Variants in TENM3 observed in about 807,000 individuals in gnomAD.
The protein encoded by TENM3 is teneurin transmembrane protein 3.
Under a neutral mutation model 255.1 loss-of-function variants are expected in TENM3, and 63 were observed. The observed-to-expected ratio is 0.25, with a 90% confidence interval of 0.20 to 0.30. The LOEUF (loss-of-function observed/expected upper bound fraction) is 0.30, where lower values mean the gene tolerates loss of function less well. TENM3 is among the 10% of genes least tolerant of loss of function. TENM3 has a pLI of 1.00. For synonymous variants in TENM3, 1,306 were observed against 1,322.3 expected, an observed-to-expected ratio of 0.99 and a Z score of 0.27; for missense variants, 2,929 against 3,461.1, an observed-to-expected ratio of 0.85 and a Z score of 3.86.
At chr4:181,519,521 A>G in the TENM3 span, among the ~76,000 whole-genome samples, 5 of 152,240 alleles carry the variant, frequency 3.3e-5, no homozygotes, top group Admixed American at 2.6e-4. Flanking sequence ...AACAAAACAC[A>G]TAAGTTTAAA....
At chr4:182,198,219 C>T (rs1753952830) in intron 1 of TENM3, among the ~76,000 whole-genome samples, 1 of 152,222 alleles carries the variant, frequency 6.6e-6, no homozygotes. Flanking sequence ...ATCTTCCCTA[C>T]ACATTCTGCA....
chr4:181,825,959 G>C, the TENM3 span, among the ~76,000 whole-genome samples: 2 of 152,202 alleles, frequency 1.3e-5, no homozygotes, highest in African/African-American at 4.8e-5. Context: ...TATTCTAATA[G>C]TGACCCCAAA....
the TENM3 span, among the ~76,000 whole-genome samples, chr4:181,780,256 G>A: frequency 6.6e-5 from 10 of 152,178 alleles, no homozygotes; most frequent in Non-Finnish European, 1.2e-4. Context: ...CCCACCAACA[G>A]TGTAAAAGTG....
the TENM3 span, among the ~76,000 whole-genome samples, chr4:181,460,498 C>T: frequency 6.6e-6 from 1 of 151,668 alleles, no homozygotes; most frequent in Admixed American, 6.6e-5. Flanking sequence ...TATTATAGCT[C>T]ATAAAATATA....
the TENM3 span, among the ~76,000 whole-genome samples, chr4:181,476,215 T>TTG: frequency 1.9e-4 from 29 of 150,996 alleles, no homozygotes; most frequent in African/African-American, 6.6e-4. Flanking sequence ...GGTTTTTTTT[T>TTG]TTTTTTTTTG....
At position 182,799,931 on chromosome 4, in the gene TENM3, C is replaced by A. The variant is rs61742826; in HGVS notation, c.7680C>A (p.Gly2560=). The change falls in exon 28 of 28, where the codon GGC becomes GGA. Residue 2560 remains glycine (G), a synonymous_variant. Transcript: ENST00000511685. The surrounding 1 kb of genome is among the most constrained non-coding windows in gnomAD (Gnocchi z 4.2). ...CCACCACGCCCGAGAGCGACCTGGGCACGCTGCGGTTGACCAGCGGCCGCA... is the reference window on the plus strand; with the variant it reads ...CCACCACGCCCGAGAGCGACCTGGGAACGCTGCGGTTGACCAGCGGCCGCA... ...IKTTTPESDL[G]TLRLTSGRKA... 474 of 1,599,114 alleles carry A rather than the reference C, an allele frequency of 3.0e-4. 1 individual carries two copies. In the African/African-American group the frequency reaches 4.8e-3, roughly 16 times the overall value.
chr4:181,773,843 C>T, the TENM3 span, among the ~76,000 whole-genome samples: 1 of 152,046 alleles, frequency 6.6e-6, no homozygotes. Context: ...TTTTAAGGGG[C>T]CTTTGGCATG....
At chr4:181,846,714 T>A in the TENM3 span, among the ~76,000 whole-genome samples, 3 of 152,178 alleles carry the variant, frequency 2.0e-5, no homozygotes, top group Admixed American at 2.0e-4. Context: ...ATTTATTAAT[T>A]GACCACTGTG....
chr4:182,230,812 C>CTATATATG (rs1756508667), intron 1 of TENM3, among the ~76,000 whole-genome samples: 5 of 58,058 alleles, frequency 8.6e-5, no homozygotes, highest in Non-Finnish European at 1.5e-4. Flanking sequence ...GTTTCTCAAA[C>CTATATATG]TATATATATA....
At chr4:182,250,255 T>G (rs1278314475) in intron 1 of TENM3, among the ~76,000 whole-genome samples, 9 of 149,060 alleles carry the variant, frequency 6.0e-5, no homozygotes, top group African/African-American at 2.3e-4. Flanking sequence ...GGTTTCACTG[T>G]GTTAGCCAGG....
the TENM3 span, among the ~76,000 whole-genome samples, chr4:181,899,854 T>C: frequency 2.6e-5 from 4 of 152,260 alleles, no homozygotes; most frequent in East Asian, 5.8e-4. Flanking sequence ...GCTATGTTTT[T>C]TGTATAGGAT....
the TENM3 span, among the ~76,000 whole-genome samples, chr4:181,458,518 G>A: frequency 6.6e-6 from 1 of 151,860 alleles, no homozygotes; most frequent in East Asian, 1.9e-4. Flanking sequence ...GTGCGTAGTA[G>A]CTACCTGTGA....
At chr4:181,874,274 C>T in the TENM3 span, among the ~76,000 whole-genome samples, 1 of 152,152 alleles carries the variant, frequency 6.6e-6, no homozygotes, top group African/African-American at 2.4e-5. Context: ...ATGTGGTTGA[C>T]ATTTTCTTTA....
intron 22 of TENM3, among the ~76,000 whole-genome samples, chr4:182,766,728 T>TG (rs1237642272): frequency 6.6e-6 from 1 of 151,806 alleles, no homozygotes; most frequent in Admixed American, 6.6e-5. Flanking sequence ...TCATGTTAGC[T>TG]GGGGGGTGTT....
chr4:182,434,644 C>CAA (rs397878555), intron 3 of TENM3, among the ~76,000 whole-genome samples: 5 of 121,806 alleles, frequency 4.1e-5, no homozygotes, highest in Admixed American at 8.4e-5. Context: ...GCCTGGGAGA[C>CAA]AAAAAAAAAA....
At chr4:182,784,775 C>T (rs562735289) in intron 24 of TENM3, among the ~76,000 whole-genome samples, 88 of 152,080 alleles carry the variant, frequency 5.8e-4, no homozygotes, top group Non-Finnish European at 1.0e-3. Context: ...TTTTTAAGCC[C>T]GTCGGAAAAG....
chr4:182,618,834 T>C (rs1749796920), intron 4 of TENM3, among the ~76,000 whole-genome samples: 1 of 152,070 alleles, frequency 6.6e-6, no homozygotes, highest in Non-Finnish European at 1.5e-5. Flanking sequence ...TTAAAAGAAG[T>C]TGAGGTATAA....
chr4:182,294,753 G>A (rs773760484), intron 1 of TENM3, among the ~76,000 whole-genome samples: 1 of 152,190 alleles, frequency 6.6e-6, no homozygotes, highest in African/African-American at 2.4e-5. Context: ...CCCATCAATG[G>A]ATATGGATCC....
At chr4:182,083,952 T>A in the TENM3 span, among the ~76,000 whole-genome samples, 1 of 151,970 alleles carries the variant, frequency 6.6e-6, no homozygotes, top group Non-Finnish European at 1.5e-5. Context: ...AAGCTTTCAC[T>A]GCAGTTGAAA....
Sources: allele counts gnomAD v4.1 joint callset (sites outside exome capture counted in the v4.1 genomes callset), GRCh38; gene constraint gnomAD v4.1.1; non-coding constraint Gnocchi (gnomAD v3.1); transcripts MANE v1.5; gene names NCBI Gene and HGNC (gene_info 2026-07-23, HGNC 2026-07-21).